Variants in PNLIPRP1 observed in about 807,000 individuals in gnomAD.
PNLIPRP1 encodes pancreatic lipase related protein 1.
In PNLIPRP1, 57 loss-of-function variants were observed where a neutral mutation model predicts 54.6. That is an observed-to-expected ratio of 1.04 (90% CI 0.84 to 1.30). The LOEUF (loss-of-function observed/expected upper bound fraction) is 1.30. PNLIPRP1 is among the 50% of genes most tolerant of loss of function. PNLIPRP1 has a pLI of 0.00. For synonymous variants in PNLIPRP1, 232 were observed against 208.8 expected, an observed-to-expected ratio of 1.11 and a Z score of -0.96; for missense variants, 567 against 568.5, an observed-to-expected ratio of 1.00 and a Z score of 0.03.
intron 3 of PNLIPRP1, chr10:116,592,212 C>G: frequency 1.5e-6 from 1 of 667,022 alleles, no homozygotes; most frequent in Non-Finnish European, 2.5e-6. Context: ...AAACCTCAAA[C>G]CACAATCCAG....
chr10:116,593,610 T>C (rs1554863543), intron 4 of PNLIPRP1: 1 of 152,192 alleles, frequency 6.6e-6, no homozygotes, highest in East Asian at 1.9e-4. Flanking sequence ...ATTGATACAG[T>C]TTATACTCCA....
intron 12 of PNLIPRP1, among the ~76,000 whole-genome samples, chr10:116,608,467 A>C (rs1007766174): frequency 1.4e-4 from 21 of 152,162 alleles, no homozygotes; most frequent in Non-Finnish European, 3.1e-4. Context: ...TGATCCTACC[A>C]TGGAAAATAC....
At chr10:116,595,063 G>T (rs1252530336) in intron 5 of PNLIPRP1, 199 bp downstream of exon 5, 13 of 596,418 alleles carry the variant, frequency 2.2e-5, no homozygotes, top group South Asian at 1.1e-4. Context: ...TTAGAAAGTG[G>T]TTTTTTAAAA....
intron 12 of PNLIPRP1, 67 bp downstream of exon 12, chr10:116,605,620 C>G: frequency 1.6e-6 from 2 of 1,227,188 alleles, no homozygotes; most frequent in East Asian, 5.1e-5. Flanking sequence ...GAAAACCCAC[C>G]CTAGAAAGTT....
At position 116,603,980 on chromosome 10, in the gene PNLIPRP1, G is replaced by A. The variant is rs138930526; in HGVS notation, c.1064-50G>A. On this transcript the variant is annotated intron_variant, in intron 10 of 12. Transcript: ENST00000358834. ...AGAAGGAGACAAGTCTGGGATGTAG[G>A]CTACTTATTTTGTGTGTGAATAAAT... 951 of 1,076,134 alleles carry A rather than the reference G, an allele frequency of 8.8e-4. 2 individuals are homozygous for A. In the African/African-American group the frequency reaches 0.013, roughly 15 times the overall value. 66.7% of individuals were successfully genotyped at this position (1,076,134 alleles called of 1,614,324 possible).
chr10:116,598,569 G>A (rs944243911), intron 8 of PNLIPRP1, among the ~76,000 whole-genome samples: 3 of 152,192 alleles, frequency 2.0e-5, no homozygotes, highest in Non-Finnish European at 4.4e-5. Context: ...GATGTAATCA[G>A]CTCCCTTTCA....
At chr10:116,595,206 C>T (rs1554863790) in intron 5 of PNLIPRP1, 1 of 280,994 alleles carries the variant, frequency 3.6e-6, no homozygotes, top group Admixed American at 4.5e-5. Flanking sequence ...TCACCCACAA[C>T]ACCAGGTGGG....
chr10:116,594,969 G>A, intron 5 of PNLIPRP1, 105 bp downstream of exon 5: 1 of 1,359,114 alleles, frequency 7.4e-7, no homozygotes, highest in East Asian at 2.5e-5. Flanking sequence ...ACAAAGAATT[G>A]ATATCCAGAC....
intron 9 of PNLIPRP1, 92 bp from the exon 10 acceptor site, chr10:116,600,980 G>A (rs997229622): frequency 7.2e-5 from 85 of 1,183,144 alleles, no homozygotes; most frequent in Admixed American, 2.1e-4. Context: ...AGAACGCTTA[G>A]GCTGTAGGAA....
rs1032561975 is a variant in PNLIPRP1, at chr10:116,597,957, A to G, written c.694+10A>G. On this transcript the variant is annotated intron_variant, in intron 7 of 12. Transcript: ENST00000358834. ...CTGATCCCATTCTTGGGTGAGACCT[A>G]TGATGCTCCAGCTGTGAGCACGCAC... is the stretch of plus-strand genomic sequence containing the variant. 8 of 1,614,074 alleles carry G rather than the reference A, an allele frequency of 5.0e-6. No homozygotes were observed. The African/African-American group carries it at 9.3e-5, about 19-fold the overall frequency.
chr10:116,597,796 T>A (rs1168786126), intron 6 of PNLIPRP1, 32 bp from the exon 7 acceptor site: 1 of 1,613,822 alleles, frequency 6.2e-7, no homozygotes, highest in Non-Finnish European at 8.5e-7. Context: ...CAGTCAGGTC[T>A]ATTGTTCTGC....
intron 10 of PNLIPRP1, among the ~76,000 whole-genome samples, chr10:116,601,950 A>C (rs1554864837): frequency 6.6e-6 from 1 of 152,244 alleles, no homozygotes; most frequent in Non-Finnish European, 1.5e-5. Context: ...GGACAAATGA[A>C]TAGTTGTGTA....
chr10:116,598,996 T>C (rs1847783892), intron 8 of PNLIPRP1, among the ~76,000 whole-genome samples: 1 of 152,180 alleles, frequency 6.6e-6, no homozygotes, highest in African/African-American at 2.4e-5. Flanking sequence ...GGCTCACGCC[T>C]ATAATCCCAG....
Position 116,597,947 on chromosome 10 carries a change from G to A in PNLIPRP1, c.694G>A (p.Gly232Ser). 1 of 1,614,138 alleles carries A rather than the reference G, an allele frequency of 6.2e-7. No individual in the cohort carries two copies. Among genetic ancestry groups the A allele is most frequent in the East Asian group, 2.2e-5 (1 of 44,882 alleles). ...TDAAPLIPFL[G>S]FGTNQQMGHL... ...TGCAGCTCCCCTGATCCCATTCTTGGGTGAGACCTATGATGCTCCAGCTGT... is the reference window on the plus strand; with the variant it reads ...TGCAGCTCCCCTGATCCCATTCTTGAGTGAGACCTATGATGCTCCAGCTGT... Residue 232 changes from glycine to serine, a missense_variant and splice_region_variant, in exon 7 of 13, where the codon GGT becomes AGT. Transcript: ENST00000358834.
intron 8 of PNLIPRP1, among the ~76,000 whole-genome samples, chr10:116,599,224 C>T (rs1554864405): frequency 7.3e-6 from 1 of 136,080 alleles, no homozygotes. Context: ...CATTGCACCA[C>T]AGCCTGGGCA....
intron 10 of PNLIPRP1, among the ~76,000 whole-genome samples, chr10:116,601,500 ATTGT>A (rs1199005426): frequency 1.3e-5 from 2 of 152,116 alleles, no homozygotes; most frequent in African/African-American, 4.8e-5. Context: ...TCCACAGTTC[ATTGT>A]TTCTTTCCTT....
Position 116,594,798 on chromosome 10 carries a change from C to T in PNLIPRP1, c.399C>T (p.Tyr133=). 6.2e-7 allele frequency: 1 copy of T among 1,614,168 alleles called. No individual in the cohort carries two copies. The highest frequency in any genetic ancestry group is 8.5e-7 in the Non-Finnish European group (1 of 1,180,030). Residue 133 remains tyrosine, a synonymous_variant, in exon 5 of 13, where the codon TAC becomes TAT. Coordinates refer to ENST00000358834, the MANE Select transcript of PNLIPRP1 (RefSeq NM_006229.4). The part of the protein sequence containing the change: ...VDWKKGSQAT[Y]TQAANNVRVV... The stretch of plus-strand genomic sequence containing the variant: ...GGAAGAAGGGCTCCCAAGCCACCTA[C>T]ACACAGGCTGCCAACAACGTGCGAG...
intron 9 of PNLIPRP1, among the ~76,000 whole-genome samples, chr10:116,600,815 A>C (rs1230009392): frequency 6.6e-6 from 1 of 152,338 alleles, no homozygotes; most frequent in East Asian, 1.9e-4. Context: ...TCCACTCAAC[A>C]GAAGGTATAA....
intron 4 of PNLIPRP1, 108 bp downstream of exon 4, chr10:116,592,649 G>A: frequency 1.5e-6 from 2 of 1,355,038 alleles, no homozygotes; most frequent in Non-Finnish European, 2.1e-6. Context: ...GTAACTTTAT[G>A]CAATTAAAAT....
Sources: gnomAD v4.1 joint callset for allele counts (sites outside exome capture counted in the v4.1 genomes callset) on GRCh38, gnomAD v4.1.1 for gene constraint, MANE v1.5 for transcripts, NCBI Gene and HGNC (gene_info 2026-07-23, HGNC 2026-07-21) for gene names.